NCAM1: variants seen among roughly 807,000 people sequenced by gnomAD.
NCAM1 encodes antigen recognized by monoclonal antibody 5.1H11.
NCAM1 carries 14 observed loss-of-function variants against 109.8 expected under a neutral mutation model. That is an observed-to-expected ratio of 0.13 (90% CI 0.08 to 0.20). The LOEUF (loss-of-function observed/expected upper bound fraction) is 0.20. Ranked by LOEUF, NCAM1 falls within the 10% of genes least tolerant of loss-of-function variation. The pLI is 1.00. For missense variants in NCAM1, 774 were observed against 1,109.9 expected, an observed-to-expected ratio of 0.70 and a Z score of 4.30; for synonymous variants, 418 against 442.9, an observed-to-expected ratio of 0.94 and a Z score of 0.70.
chr11:113,250,680 T>C (rs115718049), intron 15 of NCAM1, among the ~76,000 whole-genome samples: 7 of 152,298 alleles, frequency 4.6e-5, no homozygotes, highest in African/African-American at 1.4e-4. Flanking sequence ...AAGTAAAAGA[T>C]TGTAATGCAA....
chr11:113,057,100 A>T (rs1331904567), intron 1 of NCAM1, among the ~76,000 whole-genome samples: 2 of 152,182 alleles, frequency 1.3e-5, no homozygotes, highest in Non-Finnish European at 2.9e-5. Flanking sequence ...GAGTAGTCCA[A>T]GTATCTTACA....
chr11:113,208,459 C>T (rs1944302252), intron 7 of NCAM1, among the ~76,000 whole-genome samples: 1 of 152,086 alleles, frequency 6.6e-6, no homozygotes, highest in East Asian at 1.9e-4. Context: ...GTCCCTCAGA[C>T]ATACCAAGCT....
At chr11:113,207,232 C>T in intron 5 of NCAM1, 29 bp from the exon 6 acceptor site, 2 of 1,590,900 alleles carry the variant, frequency 1.3e-6, no homozygotes, top group Non-Finnish European at 8.6e-7. Context: ...ATTTTCACAA[C>T]CACCCCATGA....
At chr11:113,033,834 A>T (rs1015140730) in intron 1 of NCAM1, among the ~76,000 whole-genome samples, 1 of 152,216 alleles carries the variant, frequency 6.6e-6, no homozygotes, top group African/African-American at 2.4e-5. Context: ...TCAATCCTAC[A>T]TATCTTGTAG....
At chr11:113,256,221 G>T (rs1315131557) in intron 16 of NCAM1, among the ~76,000 whole-genome samples, 1 of 152,192 alleles carries the variant, frequency 6.6e-6, no homozygotes, top group Non-Finnish European at 1.5e-5. Context: ...CCTCATAGAT[G>T]ACTGTGGTGG....
chr11:113,080,474 T>C (rs1938755593), intron 1 of NCAM1, among the ~76,000 whole-genome samples: 1 of 151,520 alleles, frequency 6.6e-6, no homozygotes. Context: ...TCTTTTTTTT[T>C]TTTTCTTAAA....
At chr11:113,003,374 C>T (rs552442965) in intron 1 of NCAM1, among the ~76,000 whole-genome samples, 83 of 152,362 alleles carry the variant, frequency 5.4e-4, no homozygotes, top group African/African-American at 1.9e-3. Context: ...ATGATCAGCA[C>T]TCTTCATCCA....
chr11:113,009,315 T>TTTTTGTTGTTTTTG (rs1272777545), intron 1 of NCAM1, among the ~76,000 whole-genome samples: 2 of 93,636 alleles, frequency 2.1e-5, no homozygotes, highest in Non-Finnish European at 4.4e-5. Context: ...TTTTCGGGTT[T>TTTTTGTTGTTTTTG]TTTTTTTTTT....
chr11:113,171,631 C>CTCAA (rs1555106259), intron 1 of NCAM1, among the ~76,000 whole-genome samples: 1 of 110,636 alleles, frequency 9.0e-6, no homozygotes, highest in African/African-American at 3.4e-5. Flanking sequence ...GAGACTTTGT[C>CTCAA]TCAATAAATA....
intron 1 of NCAM1, among the ~76,000 whole-genome samples, chr11:113,015,296 C>T (rs1555075103): frequency 1.3e-5 from 2 of 152,186 alleles, no homozygotes; most frequent in African/African-American, 4.8e-5. Flanking sequence ...CATAGGGGTT[C>T]AGTGGGACAG....
At chr11:113,175,080 G>A in intron 1 of NCAM1, among the ~76,000 whole-genome samples, 1 of 152,226 alleles carries the variant, frequency 6.6e-6, no homozygotes, top group East Asian at 1.9e-4. Context: ...TCATGCCCTT[G>A]TGGGAGATCT....
intron 8 of NCAM1, among the ~76,000 whole-genome samples, chr11:113,216,017 G>A (rs1444863112): frequency 2.0e-5 from 3 of 152,180 alleles, no homozygotes; most frequent in Admixed American, 6.5e-5. Flanking sequence ...TCAGATGAAT[G>A]ATGCTTTTGA....
chr11:113,200,170 A>G (rs189617608), intron 1 of NCAM1, among the ~76,000 whole-genome samples: 4 of 152,156 alleles, frequency 2.6e-5, no homozygotes, highest in African/African-American at 7.2e-5. Context: ...TCTTGGGGGG[A>G]CTCAGCTTCT....
intron 10 of NCAM1, 58 bp from the exon 11 acceptor site, chr11:113,232,112 G>T: frequency 6.7e-7 from 1 of 1,482,300 alleles, no homozygotes; most frequent in Non-Finnish European, 9.1e-7. Context: ...CAGGAGACAG[G>T]ATATGGGGGC....
intron 7 of NCAM1, among the ~76,000 whole-genome samples, chr11:113,209,298 G>A (rs371548419): frequency 1.2e-4 from 18 of 152,278 alleles, no homozygotes; most frequent in East Asian, 3.9e-4. Context: ...ATATGCAAAT[G>A]TCCTGCTAGT....
chr11:113,037,551 G>T (rs1267357252), intron 1 of NCAM1, among the ~76,000 whole-genome samples: 2 of 152,172 alleles, frequency 1.3e-5, no homozygotes, highest in Non-Finnish European at 2.9e-5. Flanking sequence ...TGAACACAGG[G>T]TCTGTTATAT....
intron 1 of NCAM1, among the ~76,000 whole-genome samples, chr11:113,142,519 C>T (rs782037558): frequency 6.6e-6 from 1 of 152,126 alleles, no homozygotes; most frequent in Non-Finnish European, 1.5e-5. Flanking sequence ...GGACAGGTAC[C>T]AGTGTGTTTT....
At chr11:113,156,253 G>C (rs542212191) in intron 1 of NCAM1, among the ~76,000 whole-genome samples, 1 of 152,144 alleles carries the variant, frequency 6.6e-6, no homozygotes, top group Non-Finnish European at 1.5e-5. Flanking sequence ...GAGGACAGAG[G>C]CTTGGGTGTG....
chr11:113,162,776 T>G (rs1942643874), intron 1 of NCAM1, among the ~76,000 whole-genome samples: 1 of 152,174 alleles, frequency 6.6e-6, no homozygotes, highest in Non-Finnish European at 1.5e-5. Flanking sequence ...ATATTCTCAG[T>G]GGGCAGACCA....
Sources: allele counts gnomAD v4.1 joint callset (sites outside exome capture counted in the v4.1 genomes callset), GRCh38; gene constraint gnomAD v4.1.1; transcripts MANE v1.5; gene names NCBI Gene and HGNC (gene_info 2026-07-23, HGNC 2026-07-21).